HS6ST2: variants seen among roughly 807,000 people sequenced by gnomAD.
HS6ST2 encodes the protein heparan sulfate 6-O-sulfotransferase 2.
Under a neutral mutation model 33.0 loss-of-function variants are expected in HS6ST2, and 17 were observed. The observed-to-expected ratio is 0.52, with a 90% CI of 0.35 to 0.77. The LOEUF is 0.77. Ranked by LOEUF, HS6ST2 falls within the 30% of genes least tolerant of loss-of-function variation. The pLI is 0.01. For synonymous variants in HS6ST2, 248 were observed against 237.1 expected (o/e 1.05, Z -0.42); for missense variants, 519 against 551.7 (o/e 0.94, Z 0.59).
intron 2 of HS6ST2, among the ~76,000 whole-genome samples, chrX:132,831,005 C>T (rs1277343264): frequency 8.9e-6 from 1 of 111,834 alleles, no homozygotes; most frequent in Admixed American, 9.5e-5. Context: ...AGGGAAGACA[C>T]TAGGGGTTGT....
intron 3 of HS6ST2, among the ~76,000 whole-genome samples, chrX:132,692,654 C>T (rs934986242): frequency 2.7e-5 from 3 of 111,411 alleles, no homozygotes; most frequent in Non-Finnish European, 5.6e-5. Flanking sequence ...GATAGCACTT[C>T]CCCATCTTCT....
chrX:132,855,131 G>T (rs1458060315), intron 2 of HS6ST2, among the ~76,000 whole-genome samples: 1 of 111,963 alleles, frequency 8.9e-6, no homozygotes, highest in Non-Finnish European at 1.9e-5. Flanking sequence ...ATTGAGTAGA[G>T]ATACTCCAAG....
intron 2 of HS6ST2, among the ~76,000 whole-genome samples, chrX:132,795,545 T>C (rs1302531691): frequency 8.9e-6 from 1 of 111,980 alleles, no homozygotes; most frequent in Non-Finnish European, 1.9e-5. Context: ...GAAATTTACA[T>C]GTACTTTTCT....
rs184608250 is a variant in HS6ST2, at chrX:132,629,152, G to A, written c.1068-59C>T. 3.6e-6 allele frequency: 4 copies of A among 1,101,005 alleles called. No homozygotes were observed. The African/African-American group carries it at 5.5e-5, about 15-fold the overall frequency. 90.7% of individuals were successfully genotyped at this position (1,101,005 alleles called of 1,213,427 possible). On this transcript the variant is annotated intron_variant, in intron 4 of 4. Transcript: ENST00000370833. ...ATATGGGCGAAATAAGTGGAGTCATGGAGGTACATGGCATATGTGGTGTTC... is the reference window on the plus strand; with the variant it reads ...ATATGGGCGAAATAAGTGGAGTCATAGAGGTACATGGCATATGTGGTGTTC...
intron 2 of HS6ST2, among the ~76,000 whole-genome samples, chrX:132,864,029 TAACA>T (rs1297972735): frequency 1.8e-5 from 2 of 110,525 alleles, no homozygotes; most frequent in Non-Finnish European, 3.8e-5. Flanking sequence ...GAAGGAAAAC[TAACA>T]AACAGAAAAG....
At chrX:132,740,724 C>T (rs1203146154) in intron 2 of HS6ST2, among the ~76,000 whole-genome samples, 1 of 109,665 alleles carries the variant, frequency 9.1e-6, no homozygotes, top group Non-Finnish European at 1.9e-5. Context: ...GATGGCAATC[C>T]TCTATTGGTT....
Position 132,957,117 on chromosome X carries a change from C to T in HS6ST2, c.638G>A (p.Gly213Asp). ...GAAGTCTACCTTGCGCAGGAGGTCG[C>T]CGCGGGTGAAATTGTAGCGGGGCAC... ...RFVPRYNFTR[G>D]DLLRKVDFDI... The change falls in exon 2 of 5, where the codon GGC becomes GAC. Residue 213 changes from glycine to aspartate, a missense_variant. By Grantham distance (94) the Gly-to-Asp change is moderately conservative. Coordinates refer to ENST00000370833, the MANE Select transcript of HS6ST2 (RefSeq NM_001394073.1). The T allele has an allele frequency of 8.3e-7, 1 of 1,211,655 alleles. No homozygotes were observed. Among genetic ancestry groups the T allele is most frequent in the Non-Finnish European group, 1.1e-6 (1 of 895,447 alleles).
At chrX:132,723,632 A>C (rs2064359143) in intron 2 of HS6ST2, among the ~76,000 whole-genome samples, 1 of 111,796 alleles carries the variant, frequency 8.9e-6, no homozygotes, top group African/African-American at 3.3e-5. Flanking sequence ...TCTCCATGAT[A>C]AAAACCCTCA....
intron 2 of HS6ST2, among the ~76,000 whole-genome samples, chrX:132,908,991 GAA>G (rs397975321): frequency 4.9e-5 from 2 of 40,853 alleles, no homozygotes. Context: ...GAACTCCACT[GAA>G]AAAAAAAAAA....
rs185792123 is a variant in HS6ST2 at position 132,876,087 on chromosome X, C to T, written c.947+80721G>A. Among the ~76,000 whole-genome samples, 25 of 111,847 alleles carry T rather than the reference C, an allele frequency of 2.2e-4. No homozygotes were observed. In the East Asian group the frequency reaches 7.0e-3, roughly 31 times the overall value. ...AGAAGATCCTGAAATACCTCTCTTC[C>T]AAAATGCAGGTCTATAATCAGGTGC... On this transcript the variant is annotated intron_variant, in intron 2 of 4. Transcript: ENST00000370833.
chrX:132,712,768 G>A (rs963694800), intron 2 of HS6ST2, among the ~76,000 whole-genome samples: 4 of 111,902 alleles, frequency 3.6e-5, no homozygotes, highest in African/African-American at 1.3e-4. Context: ...GCTCACGCCT[G>A]TAATCCCAGC....
At chrX:132,671,640 C>A (rs1313269521) in intron 3 of HS6ST2, among the ~76,000 whole-genome samples, 1 of 109,440 alleles carries the variant, frequency 9.1e-6, no homozygotes, top group Admixed American at 9.8e-5. Context: ...GGTGCTCTAG[C>A]GGGAGGTGGT....
chrX:132,795,186 T>C (rs752293985), intron 2 of HS6ST2, among the ~76,000 whole-genome samples: 1 of 111,876 alleles, frequency 8.9e-6, no homozygotes, highest in South Asian at 3.8e-4. Flanking sequence ...CCCCATCACC[T>C]ACCAACCACG....
At chrX:132,839,859 G>A (rs1416979757) in intron 2 of HS6ST2, among the ~76,000 whole-genome samples, 1 of 111,057 alleles carries the variant, frequency 9.0e-6, no homozygotes, top group East Asian at 2.9e-4. Context: ...GTTCATGTCT[G>A]TGATCCCAAC....
intron 1 of HS6ST2, among the ~76,000 whole-genome samples, 164 bp downstream of exon 1, chrX:132,958,011 G>A (rs746619606): frequency 8.9e-6 from 1 of 111,785 alleles, no homozygotes; most frequent in East Asian, 2.9e-4. Context: ...GAGCCGCGGC[G>A]TGGGCAAATG....
At chrX:132,948,787 G>C (rs1257335558) in intron 2 of HS6ST2, among the ~76,000 whole-genome samples, 1 of 112,155 alleles carries the variant, frequency 8.9e-6, no homozygotes, top group Non-Finnish European at 1.9e-5. Context: ...TCCTTTAATG[G>C]AAAGGGGGAA....
At chrX:132,705,735 C>A (rs113501536) in intron 3 of HS6ST2, among the ~76,000 whole-genome samples, 77 of 111,738 alleles carry the variant, frequency 6.9e-4, no homozygotes, top group African/African-American at 2.4e-3. Context: ...AAAGTAGCAG[C>A]GCCAGGATTG....
At chrX:132,825,594 G>A (rs767951398) in intron 2 of HS6ST2, among the ~76,000 whole-genome samples, 15 of 111,871 alleles carry the variant, frequency 1.3e-4, no homozygotes, top group African/African-American at 4.5e-4. Context: ...CTTTCTGGAT[G>A]TGTGACCTTG....
At chrX:132,670,447 G>C (rs2063859491) in intron 3 of HS6ST2, among the ~76,000 whole-genome samples, 1 of 110,828 alleles carries the variant, frequency 9.0e-6, no homozygotes, top group African/African-American at 3.3e-5. Context: ...ATGTGTGTGG[G>C]CATGGAAAAA....
Sources: gnomAD v4.1 joint callset for allele counts (sites outside exome capture counted in the v4.1 genomes callset) on GRCh38, gnomAD v4.1.1 for gene constraint, MANE v1.5 for transcripts, NCBI Gene and HGNC (gene_info 2026-07-23, HGNC 2026-07-21) for gene names.